The following MAD1L1 variants were observed in gnomAD, a reference collection of about 807,000 sequenced individuals.
The protein encoded by MAD1L1 is mitotic spindle assembly checkpoint protein MAD1.
In MAD1L1, 95 loss-of-function variants were observed where a neutral mutation model predicts 96.9. The ratio of observed to expected loss-of-function variants is 0.98; its 90% CI spans 0.83 to 1.16. MAD1L1 has a LOEUF of 1.16. Among genes scored for constraint, MAD1L1 ranks in the 50% most tolerant of loss-of-function variants. MAD1L1 has a pLI of 0.00. For missense variants in MAD1L1, 1,007 were observed against 954.4 expected (o/e 1.06, Z -0.73); for synonymous variants, 473 against 396.6 (o/e 1.19, Z -2.29).
intron 10 of MAD1L1, among the ~76,000 whole-genome samples, chr7:2,189,724 G>A (rs947170086): frequency 6.6e-6 from 1 of 152,186 alleles, no homozygotes; most frequent in African/African-American, 2.4e-5. Context: ...GGTGGTGATG[G>A]TTGCACAGCA....
chr7:1,847,368 A>AGG (rs1562452036), intron 18 of MAD1L1: 2 of 471,084 alleles, frequency 4.2e-6, no homozygotes, highest in South Asian at 3.1e-5. Context: ...GGGGCGGACC[A>AGG]GGGTGTGCAG....
chr7:1,920,021 TGACACGGAGGTC>T (rs1788677392), intron 17 of MAD1L1, among the ~76,000 whole-genome samples: 6 of 32,202 alleles, frequency 1.9e-4, no homozygotes, highest in Non-Finnish European at 3.9e-4. Flanking sequence ...AGGTCCCCAG[TGACACGGAGGTC>T]CCCAGGAGGG....
At chr7:2,123,744 G>A (rs947418514) in intron 11 of MAD1L1, among the ~76,000 whole-genome samples, 2 of 152,228 alleles carry the variant, frequency 1.3e-5, no homozygotes, top group South Asian at 4.1e-4. Context: ...AGATCCTCCG[G>A]CGGCGTGGTG....
intron 14 of MAD1L1, among the ~76,000 whole-genome samples, chr7:2,000,862 CCTG>C (rs1392333303): frequency 6.6e-6 from 1 of 152,250 alleles, no homozygotes; most frequent in African/African-American, 2.4e-5. Context: ...CGCGCGGTGC[CCTG>C]CTGTTGCCTC....
chr7:2,030,411 C>A (rs1019461522), intron 12 of MAD1L1, among the ~76,000 whole-genome samples: 1 of 152,236 alleles, frequency 6.6e-6, no homozygotes, highest in South Asian at 2.1e-4. Flanking sequence ...TATAGCAGCT[C>A]GAACAAAGCA....
At chr7:2,193,933 T>C (rs1200151956) in intron 10 of MAD1L1, among the ~76,000 whole-genome samples, 1 of 126,970 alleles carries the variant, frequency 7.9e-6, no homozygotes, top group East Asian at 2.4e-4. Context: ...AGGCTCTGCA[T>C]GGATTTTTTT....
chr7:1,948,653 A>G (rs1428660335), intron 16 of MAD1L1, among the ~76,000 whole-genome samples: 2 of 152,206 alleles, frequency 1.3e-5, no homozygotes, highest in Non-Finnish European at 2.9e-5. Context: ...GACACCCCTG[A>G]TAACAGCCTC....
rs1422584347 is a variant in MAD1L1, at chr7:2,063,618, T to C, written c.1218+5576A>G. On this transcript the variant is annotated intron_variant, in intron 12 of 18. Transcript: ENST00000265854. ...TGCATCAGGTGTGTCTCCACCGTGC[T>C]ATTCCAGGAGAGATGAAAATAACCT... Among the ~76,000 whole-genome samples the C allele has an allele frequency of 2.0e-5, 3 of 152,254 alleles. No homozygotes were observed. In the East Asian group the frequency reaches 5.8e-4, roughly 29 times the overall value.
At chr7:2,122,858 C>T (rs1404378610) in intron 11 of MAD1L1, among the ~76,000 whole-genome samples, 3 of 152,204 alleles carry the variant, frequency 2.0e-5, no homozygotes, top group South Asian at 4.1e-4. Context: ...CAGGCCATGG[C>T]GTCAGTGTGG....
At chr7:1,970,334 T>C (rs1469746274) in intron 15 of MAD1L1, among the ~76,000 whole-genome samples, 1 of 132,236 alleles carries the variant, frequency 7.6e-6, no homozygotes, top group African/African-American at 3.3e-5. Context: ...ATTTTTACTT[T>C]TTTTTTTTTT....
chr7:1,955,254 G>C (rs571104878), intron 16 of MAD1L1, among the ~76,000 whole-genome samples: 2 of 152,346 alleles, frequency 1.3e-5, no homozygotes, highest in South Asian at 2.1e-4. Flanking sequence ...TCCAGAGGGA[G>C]CGGGAGCAGG....
At chr7:2,171,341 T>C (rs1179395655) in intron 10 of MAD1L1, among the ~76,000 whole-genome samples, 1 of 152,222 alleles carries the variant, frequency 6.6e-6, no homozygotes, top group East Asian at 1.9e-4. Context: ...CACAGGACTG[T>C]CAACACTGTG....
rs112571481 is a variant in MAD1L1, at chr7:2,049,381, C to T, written c.1218+19813G>A. Among the ~76,000 whole-genome samples the T allele has an allele frequency of 9.8e-3, 1,487 of 152,340 alleles. 17 individuals carry two copies. Among genetic ancestry groups the T allele is most frequent in the Middle Eastern group, 0.034 (10 of 294 alleles). ...ACCCTCTCCCTGCACAGTGGGGGCCCCCACTCCATGGCCTCTGCTGACTCG... is the reference window on the plus strand; with the variant it reads ...ACCCTCTCCCTGCACAGTGGGGGCCTCCACTCCATGGCCTCTGCTGACTCG... On this transcript the variant is annotated intron_variant, in intron 12 of 18. Transcript: ENST00000265854.
intron 12 of MAD1L1, among the ~76,000 whole-genome samples, chr7:2,040,512 G>A (rs982022413): frequency 1.3e-5 from 2 of 152,220 alleles, no homozygotes; most frequent in Admixed American, 6.5e-5. Context: ...CTGAGTTCAC[G>A]AACGCGCTCC....
intron 10 of MAD1L1, among the ~76,000 whole-genome samples, chr7:2,181,946 C>G: frequency 6.6e-6 from 1 of 152,076 alleles, no homozygotes; most frequent in East Asian, 1.9e-4. Context: ...AACCAGACAT[C>G]TCACATCCTC....
chr7:2,220,929 C>G (rs1793568988), intron 5 of MAD1L1: 1 of 1,612,182 alleles, frequency 6.2e-7, no homozygotes, highest in South Asian at 1.1e-5. Context: ...CCCACCTGCC[C>G]ACAGGGTCAC....
At chr7:2,191,559 C>T (rs1227268562) in intron 10 of MAD1L1, among the ~76,000 whole-genome samples, 1 of 151,926 alleles carries the variant, frequency 6.6e-6, no homozygotes. Context: ...GGTGAAACCC[C>T]GTCTCTACTA....
At position 1,923,945 on chromosome 7, in the gene MAD1L1, A is replaced by G. The variant is rs549904423; in HGVS notation, c.1807+12742T>C. 4.0e-3 allele frequency among the ~76,000 whole-genome samples: 607 copies of G among 152,378 alleles called. 6 individuals carry two copies. Among genetic ancestry groups the G allele is most frequent in the African/African-American group, 0.014 (584 of 41,600 alleles). ...AAGAGCCTGAAATGGAAGTGCCATC[A>G]GGAAATGCTGAAACCAACAGAAATT... On this transcript the variant is annotated intron_variant, in intron 17 of 18. Coordinates refer to ENST00000265854, the MANE Select transcript of MAD1L1 (RefSeq NM_001013836.2).
intron 11 of MAD1L1, chr7:2,148,257 A>G (rs1789404575): frequency 6.6e-6 from 1 of 152,484 alleles, no homozygotes; most frequent in Non-Finnish European, 1.5e-5. Flanking sequence ...TTGATCATCA[A>G]TGGCAAACAG....
Sources: allele counts gnomAD v4.1 joint callset (sites outside exome capture counted in the v4.1 genomes callset), GRCh38; gene constraint gnomAD v4.1.1; transcripts MANE v1.5; gene names NCBI Gene and HGNC (gene_info 2026-07-23, HGNC 2026-07-21).